The following TSC1 variants were observed in gnomAD, a reference collection of about 807,000 sequenced individuals.
TSC1 encodes TSC complex subunit 1, also known as hamartin.
TSC1 carries 20 observed loss-of-function variants against 124.3 expected under a neutral mutation model. The observed-to-expected ratio is 0.16, with a 90% CI of 0.11 to 0.23. The LOEUF (loss-of-function observed/expected upper bound fraction) is 0.23. Among genes scored for constraint, TSC1 ranks in the 10% least tolerant of loss-of-function variants. TSC1 has a pLI of 1.00. For synonymous variants in TSC1, 493 were observed against 539.1 expected (o/e 0.91, Z 1.19); for missense variants, 1,124 against 1,448.5 (o/e 0.78, Z 3.64).
Position 132,896,232 on chromosome 9 carries a change from T to A in TSC1, c.*3A>T. 6.2e-7 allele frequency: 1 copy of A among 1,614,198 alleles called. No homozygotes were observed. Among genetic ancestry groups the A allele is most frequent in the South Asian group, 1.1e-5 (1 of 91,088 alleles). On this transcript the variant is annotated 3_prime_UTR_variant, in exon 23 of 23. Transcript: ENST00000298552. The surrounding 1 kb of genome is among the most constrained non-coding windows in gnomAD (Gnocchi z 4.5). ...CAAGTTAACACTGATTGACCATCAT[T>A]CCTTAGCTGTGTTCATGATGAGTCT... is the stretch of plus-strand genomic sequence containing the variant.
In TSC1 at chr9:132,912,304, A is replaced by G. The variant is rs118203461; in HGVS notation, c.891T>C (p.Tyr297=). 1 of 1,614,232 alleles carries G rather than the reference A, an allele frequency of 6.2e-7. No individual in the cohort carries two copies. The highest frequency in any genetic ancestry group is 1.1e-5 in the South Asian group (1 of 91,082). Residue 297 remains tyrosine, a synonymous_variant, in exon 9 of 23, where the codon TAT becomes TAC. Coordinates refer to ENST00000298552, the MANE Select transcript of TSC1 (RefSeq NM_000368.5). ...HRSADVTTSP[Y]ADTQNSYGCA... Reference sequence around the variant, plus strand: ...TACCATAGCTATTCTGTGTGTCAGCATAAGGGCTGGTGGTGACATCGGCTG... The same window carrying G: ...TACCATAGCTATTCTGTGTGTCAGCGTAAGGGCTGGTGGTGACATCGGCTG...
chr9:132,900,109 G>A (rs1216975001), intron 20 of TSC1: 1 of 159,418 alleles, frequency 6.3e-6, no homozygotes, highest in Non-Finnish European at 1.4e-5. Flanking sequence ...CAAAAAGAAG[G>A]CCCATGTGTG....
intron 18 of TSC1, 69 bp from the exon 19 acceptor site, chr9:132,901,768 AC>A: frequency 7.0e-7 from 1 of 1,423,432 alleles, no homozygotes; most frequent in Non-Finnish European, 9.9e-7. Flanking sequence ...CTACCTAGCC[AC>A]CAGCCCACAG....
chr9:132,896,722 G>A lies in TSC1; in HGVS notation c.3008C>T (p.Ser1003Phe), dbSNP rs1554812991. The A allele has an allele frequency of 1.2e-6, 2 of 1,613,762 alleles. No homozygotes were observed. Among genetic ancestry groups the A allele is most frequent in the Non-Finnish European group, 1.7e-6 (2 of 1,180,026 alleles). The change falls in exon 23 of 23, where the codon TCC becomes TTC. Residue 1003 changes from serine to phenylalanine, a missense_variant. Ser to Phe is a radical substitution (Grantham distance 155, BLOSUM62 -2). Coordinates refer to ENST00000298552, the MANE Select transcript of TSC1 (RefSeq NM_000368.5). The surrounding 1 kb of genome is among the most constrained non-coding windows in gnomAD (Gnocchi z 4.5). ...LDCCNDGCSD[S>F]MVGHNEEASG... ...TGCCTCTTCATTGTGCCCTACCATG[G>A]AATCTGAGCACCCGTCATTACAACA...
rs118203657 is a variant in TSC1, at chr9:132,903,665, G to A, written c.2194C>T (p.His732Tyr). The A allele has an allele frequency of 3.6e-3, 5,806 of 1,612,416 alleles. 28 individuals carry two copies. Among genetic ancestry groups the A allele is most frequent in the Non-Finnish European group, 3.9e-3 (4,619 of 1,179,952 alleles). ...CCAGTCCTCACCATGGCAGCATTATGTTCCTCCAGAGCTGCTGCTTTGATC... is the reference window on the plus strand; with the variant it reads ...CCAGTCCTCACCATGGCAGCATTATATTCCTCCAGAGCTGCTGCTTTGATC... ...KVIKAAALEE[H>Y]NAAMKDQLKL... is the part of the protein sequence containing the mutation. Residue 732 changes from histidine (H) to tyrosine (Y), a missense_variant, in exon 17 of 23, where the codon CAT becomes TAT. Physicochemically the swap from His to Tyr is moderately conservative, Grantham distance 83 (BLOSUM62 2). This residue lies in a region of TSC1 where 321 missense variants were observed against 397.4 expected (regional missense o/e 0.81). Coordinates refer to ENST00000298552, the MANE Select transcript of TSC1 (RefSeq NM_000368.5). The surrounding 1 kb of genome is among the most constrained non-coding windows in gnomAD (Gnocchi z 5.9).
Position 132,892,449 on chromosome 9 carries a change from G to A in TSC1, c.*3786C>T, listed in dbSNP as rs1343724535. The A allele has an allele frequency of 1.3e-5, 3 of 233,228 alleles. No homozygotes were observed. In the South Asian group the frequency reaches 5.4e-4, roughly 42 times the overall value. The allele number at this position is 233,228 out of a possible 1,614,324, so 14.4% of individuals were successfully genotyped here. On this transcript the variant is annotated 3_prime_UTR_variant, in exon 23 of 23. Coordinates refer to ENST00000298552, the MANE Select transcript of TSC1 (RefSeq NM_000368.5). ...TGGAGAGTGAAGGTGCAGCAGATAG[G>A]TATACTGATTTGAGTCACTCCACAC...
chr9:132,916,038 T>C (rs1846257729), intron 8 of TSC1, among the ~76,000 whole-genome samples: 1 of 152,248 alleles, frequency 6.6e-6, no homozygotes, highest in Non-Finnish European at 1.5e-5. Flanking sequence ...AAAAGAGGAA[T>C]ACATTTAAAT....
Position 132,906,066 on chromosome 9 carries a change from G to A in TSC1, c.1512C>T (p.Asp504=), listed in dbSNP as rs2131845912. The part of the protein sequence containing the change: ...AEPVVPRGGF[D]SPFYRDSLPG... ...GGAGACTGTCTCGGTAAAAGGGAGA[G>A]TCAAAGCCTCCTCGAGGAACCACAG... The change falls in exon 15 of 23, where the codon GAC becomes GAT. Residue 504 remains aspartate, a synonymous_variant. Coordinates refer to ENST00000298552, the MANE Select transcript of TSC1 (RefSeq NM_000368.5). The surrounding 1 kb of genome is among the most constrained non-coding windows in gnomAD (Gnocchi z 4.1). 1 of 1,614,084 alleles carries A rather than the reference G, an allele frequency of 6.2e-7. No individual in the cohort carries two copies. The highest frequency in any genetic ancestry group is 8.5e-7 in the Non-Finnish European group (1 of 1,180,006).
intron 1 of TSC1, chr9:132,941,497 G>C (rs1377925179): frequency 6.6e-6 from 1 of 151,924 alleles, no homozygotes; most frequent in African/African-American, 2.4e-5. Flanking sequence ...CATGATCTGA[G>C]ATTAAAAAAA....
intron 8 of TSC1, among the ~76,000 whole-genome samples, chr9:132,917,628 G>T (rs537987496): frequency 6.6e-6 from 1 of 152,040 alleles, no homozygotes; most frequent in Admixed American, 6.6e-5. Flanking sequence ...CACTGCACCC[G>T]GCTCTTCTTT....
Position 132,926,986 on chromosome 9 carries a change from A to C in TSC1, c.210+215T>G, listed in dbSNP as rs989016636. The C allele has an allele frequency of 1.1e-5, 6 of 547,522 alleles. No homozygotes were observed. The African/African-American group carries it at 1.1e-4, about 10-fold the overall frequency. The allele number at this position is 547,522 out of a possible 1,614,324, so 33.9% of individuals were successfully genotyped here. ...CACACCCGGCCCAAACAAGATCTTT[A>C]ACAGTCTCTGAAATATGTTTTATTT... On this transcript the variant is annotated intron_variant, in intron 4 of 22. Transcript: ENST00000298552.
chr9:132,920,028 C>T (rs1378112173), intron 8 of TSC1, among the ~76,000 whole-genome samples: 1 of 152,240 alleles, frequency 6.6e-6, no homozygotes, highest in Non-Finnish European at 1.5e-5. Flanking sequence ...GAGCAGCTTC[C>T]CTGCCTGCCA....
intron 20 of TSC1, among the ~76,000 whole-genome samples, chr9:132,897,893 G>A (rs966624972): frequency 5.9e-5 from 9 of 152,102 alleles, no homozygotes; most frequent in African/African-American, 2.2e-4. Flanking sequence ...TGGAAACATC[G>A]TTTAAGTCTA....
In TSC1 at chr9:132,892,592, G is replaced by A. The variant is rs373424021; in HGVS notation, c.*3643C>T. 18 of 233,396 alleles carry A rather than the reference G, an allele frequency of 7.7e-5. No homozygotes were observed. Among genetic ancestry groups the A allele is most frequent in the African/African-American group, 4.0e-4 (18 of 45,476 alleles). 14.5% of individuals were successfully genotyped at this position (233,396 alleles called of 1,614,324 possible). A position where few individuals can be genotyped will look rare whatever the true frequency, so the allele number is the denominator to read the frequency against. The stretch of plus-strand genomic sequence containing the variant: ...AAGGTCCTGGCCGGGTCTTCGCTCT[G>A]CCCAAACCCTCCTCCAGCCTGTGCA... On this transcript the variant is annotated 3_prime_UTR_variant, in exon 23 of 23. Coordinates refer to ENST00000298552, the MANE Select transcript of TSC1 (RefSeq NM_000368.5).
rs903004038 is a variant in TSC1 at position 132,893,424 on chromosome 9, G to T, written c.*2811C>A. 1.3e-5 allele frequency: 3 copies of T among 233,154 alleles called. No individual in the cohort carries two copies. The highest frequency in any genetic ancestry group is 1.7e-5 in the Non-Finnish European group (2 of 118,032). The allele number at this position is 233,154 out of a possible 1,614,324, so 14.4% of individuals were successfully genotyped here. ...GACTGTATAGCAGAGCCTTGTCAACGGCTTTTTGAAAATCCATCAAAGTTC... is the reference window on the plus strand; with the variant it reads ...GACTGTATAGCAGAGCCTTGTCAACTGCTTTTTGAAAATCCATCAAAGTTC... On this transcript the variant is annotated 3_prime_UTR_variant, in exon 23 of 23. Coordinates refer to ENST00000298552, the MANE Select transcript of TSC1 (RefSeq NM_000368.5).
rs370116063 is a variant in TSC1, at chr9:132,927,683, C to T, written c.107-379G>A. Among the ~76,000 whole-genome samples, 119 of 152,170 alleles carry T rather than the reference C, an allele frequency of 7.8e-4. 1 individual carries two copies. Among genetic ancestry groups the T allele is most frequent in the Admixed American group, 2.1e-3 (32 of 15,292 alleles). The stretch of plus-strand genomic sequence containing the variant: ...CTGGGATTACAGGCACCTGCCACCA[C>T]GCCTGGCTAATTTTTGTATTTTTAC... On this transcript the variant is annotated intron_variant, in intron 3 of 22. Coordinates refer to ENST00000298552, the MANE Select transcript of TSC1 (RefSeq NM_000368.5).
At chr9:132,907,398 C>A (rs2131884230) in intron 12 of TSC1, 28 bp from the exon 13 acceptor site, 2 of 1,582,898 alleles carry the variant, frequency 1.3e-6, no homozygotes, top group Non-Finnish European at 1.7e-6. Context: ...ATTTATATCA[C>A]AAGACGAAAA....
Position 132,935,073 on chromosome 9 carries a change from C to A in TSC1, c.-121G>T. The stretch of plus-strand genomic sequence containing the variant: ...CTGGTACTTCAGTTTCCAGTGCTGT[C>A]AACCTGGTGTCTTTCATGGTCACTG... On this transcript the variant is annotated 5_prime_UTR_variant, in exon 2 of 23. Transcript: ENST00000298552. 1 of 399,078 alleles carries A rather than the reference C, an allele frequency of 2.5e-6. No individual in the cohort carries two copies. The highest frequency in any genetic ancestry group is 1.3e-4 in the South Asian group (1 of 7,840). 24.7% of individuals were successfully genotyped at this position (399,078 alleles called of 1,614,324 possible). A position where few individuals can be genotyped will look rare whatever the true frequency, so the allele number is the denominator to read the frequency against.
At position 132,902,846 on chromosome 9, in the gene TSC1, C is replaced by T. The variant is rs1845459947; in HGVS notation, c.2209-59G>A. Reference sequence around the variant, plus strand: ...GTCTTCCAACACAGGCAATTTAACACACACTGCGAACATTTCATCTGAATA... The same window carrying T: ...GTCTTCCAACACAGGCAATTTAACATACACTGCGAACATTTCATCTGAATA... On this transcript the variant is annotated intron_variant, in intron 17 of 22. Coordinates refer to ENST00000298552, the MANE Select transcript of TSC1 (RefSeq NM_000368.5). This position sits in a 1 kb window ranked among gnomAD's most constrained non-coding sequence, Gnocchi z 5.2. 2 of 1,590,922 alleles carry T rather than the reference C, an allele frequency of 1.3e-6. No homozygotes were observed. The highest frequency in any genetic ancestry group is 1.7e-6 in the Non-Finnish European group (2 of 1,162,126).
Sources: gnomAD v4.1 joint callset for allele counts (sites outside exome capture counted in the v4.1 genomes callset) on GRCh38, gnomAD v4.1.1 for gene constraint, gnomAD v4.1.1 regional missense constraint, Gnocchi (gnomAD v3.1) non-coding constraint, MANE v1.5 for transcripts, NCBI Gene and HGNC (gene_info 2026-07-23, HGNC 2026-07-21) for gene names.